The following EDIL3 variants were observed in gnomAD, a reference collection of about 807,000 sequenced individuals.
The protein encoded by EDIL3 is EGF like and discoidin domains 3, also known as EGF-like repeat and discoidin I-like domain-containing protein 3.
In EDIL3, 37 loss-of-function variants were observed where a neutral mutation model predicts 67.4. The ratio of observed to expected loss-of-function variants is 0.55; its 90% CI spans 0.42 to 0.72. EDIL3 has a LOEUF of 0.72. Ranked by LOEUF, EDIL3 falls within the 30% of genes least tolerant of loss-of-function variation. The pLI is 0.00. For synonymous variants in EDIL3, 195 were observed against 196.3 expected (o/e 0.99, Z 0.05); for missense variants, 527 against 586.3 (o/e 0.90, Z 1.04).
At chr5:84,320,650 G>A (rs1005974272) in intron 1 of EDIL3, among the ~76,000 whole-genome samples, 1 of 152,106 alleles carries the variant, frequency 6.6e-6, no homozygotes, top group Admixed American at 6.6e-5. Flanking sequence ...AGCATTGTGT[G>A]ATACTTACTG....
intron 4 of EDIL3, among the ~76,000 whole-genome samples, chr5:84,168,905 T>C (rs116420318): frequency 0.014 from 2,142 of 152,242 alleles, 50 homozygotes; most frequent in African/African-American, 0.049. Context: ...ATTACACAAC[T>C]ACAATAAAAC....
At chr5:84,184,710 C>T (rs1400175254) in intron 3 of EDIL3, among the ~76,000 whole-genome samples, 2 of 152,128 alleles carry the variant, frequency 1.3e-5, no homozygotes, top group East Asian at 1.9e-4. Context: ...GAGTGAACAG[C>T]GGTTTCTTAA....
chr5:84,311,079 T>C (rs1482522513), intron 1 of EDIL3, among the ~76,000 whole-genome samples: 3 of 152,192 alleles, frequency 2.0e-5, no homozygotes, highest in African/African-American at 7.2e-5. Flanking sequence ...TCTTGATGAA[T>C]ATGCCAATTT....
chr5:84,305,111 A>T (rs1746238565), intron 1 of EDIL3, among the ~76,000 whole-genome samples: 1 of 152,350 alleles, frequency 6.6e-6, no homozygotes, highest in African/African-American at 2.4e-5. Context: ...GGTAAATAAA[A>T]TCTAGCAGCC....
intron 4 of EDIL3, among the ~76,000 whole-genome samples, chr5:84,173,962 G>A (rs866426203): frequency 6.6e-6 from 1 of 152,192 alleles, no homozygotes; most frequent in South Asian, 2.1e-4. Flanking sequence ...CCAAACCAAA[G>A]GTATGGTGCA....
At chr5:84,279,015 C>T (rs1272268624) in intron 1 of EDIL3, among the ~76,000 whole-genome samples, 12 of 150,378 alleles carry the variant, frequency 8.0e-5, no homozygotes, top group Admixed American at 8.0e-4. Context: ...TCCTTCTATG[C>T]CTCAATTTCC....
At chr5:84,355,851 G>A (rs1228757821) in intron 1 of EDIL3, among the ~76,000 whole-genome samples, 4 of 152,178 alleles carry the variant, frequency 2.6e-5, no homozygotes, top group African/African-American at 7.2e-5. Flanking sequence ...GAGCCAGCAG[G>A]CAGGAATGTT....
chr5:84,276,953 C>T, intron 1 of EDIL3, among the ~76,000 whole-genome samples: 1 of 152,132 alleles, frequency 6.6e-6, no homozygotes, highest in East Asian at 1.9e-4. Flanking sequence ...AAATAAACTA[C>T]ATCAGGCATC....
chr5:84,117,077 G>T (rs1472692773), intron 5 of EDIL3, among the ~76,000 whole-genome samples: 1 of 143,824 alleles, frequency 7.0e-6, no homozygotes, highest in African/African-American at 2.6e-5. Flanking sequence ...GCCCAGGCGG[G>T]AGTGCAGTGG....
intron 1 of EDIL3, among the ~76,000 whole-genome samples, chr5:84,306,500 T>C (rs1189771967): frequency 1.3e-5 from 2 of 152,200 alleles, no homozygotes; most frequent in Non-Finnish European, 2.9e-5. Flanking sequence ...TCTGGGATTA[T>C]GGCAAGTGGA....
At chr5:84,039,904 TTAAAGCAAATGCTATA>T (rs578236314) in intron 9 of EDIL3, among the ~76,000 whole-genome samples, 36 of 152,286 alleles carry the variant, frequency 2.4e-4, no homozygotes, top group African/African-American at 8.2e-4. Flanking sequence ...TCTGGTAGTC[TTAAAGCAAATGCTATA>T]TACAGTTTTA....
intron 5 of EDIL3, among the ~76,000 whole-genome samples, chr5:84,113,537 G>A (rs768081854): frequency 6.6e-6 from 1 of 152,078 alleles, no homozygotes; most frequent in Non-Finnish European, 1.5e-5. Flanking sequence ...TGGCCAAGAG[G>A]GATGTGAATA....
At chr5:84,329,629 CA>C (rs1451030364) in intron 1 of EDIL3, among the ~76,000 whole-genome samples, 1 of 151,982 alleles carries the variant, frequency 6.6e-6, no homozygotes, top group Non-Finnish European at 1.5e-5. Context: ...GTTGCTATGT[CA>C]AAATTAATAA....
At chr5:84,061,444 G>A (rs1014815707) in intron 8 of EDIL3, among the ~76,000 whole-genome samples, 8 of 152,044 alleles carry the variant, frequency 5.3e-5, no homozygotes, top group African/African-American at 1.7e-4. Flanking sequence ...ATATGAGCCC[G>A]GGGCTGAGTC....
At chr5:84,257,903 T>A (rs543021040) in intron 1 of EDIL3, among the ~76,000 whole-genome samples, 1 of 152,170 alleles carries the variant, frequency 6.6e-6, no homozygotes, top group African/African-American at 2.4e-5. Flanking sequence ...GGAAAAGATA[T>A]AAGATTCTTC....
chr5:84,057,770 AT>A (rs3831890), intron 9 of EDIL3, among the ~76,000 whole-genome samples: 16,521 of 152,088 alleles, frequency 0.11, 1,313 homozygotes, highest in African/African-American at 0.22. Flanking sequence ...AACTTGAATT[AT>A]TTTTTGAATG....
At chr5:84,340,532 CTCTATATATA>C (rs1271180431) in intron 1 of EDIL3, among the ~76,000 whole-genome samples, 1,480 of 66,362 alleles carry the variant, frequency 0.022, 6 homozygotes, top group South Asian at 0.034. Flanking sequence ...CTCTCTCTCT[CTCTATATATA>C]TATATATATA....
chr5:84,284,779 T>C (rs1030510707), intron 1 of EDIL3, among the ~76,000 whole-genome samples: 12 of 152,144 alleles, frequency 7.9e-5, no homozygotes, highest in African/African-American at 2.7e-4. Flanking sequence ...TACTTGGAAA[T>C]AGACCCTGCA....
chr5:83,980,683 ATATATATATATATATT>A (rs929384590), intron 9 of EDIL3, among the ~76,000 whole-genome samples: 108 of 146,724 alleles, frequency 7.4e-4, no homozygotes, highest in Non-Finnish European at 1.2e-3. Context: ...TGAAATATAT[ATATATATATATATATT>A]TATATATAAT....
Sources: allele counts gnomAD v4.1 joint callset (sites outside exome capture counted in the v4.1 genomes callset), GRCh38; gene constraint gnomAD v4.1.1; transcripts MANE v1.5; gene names NCBI Gene and HGNC (gene_info 2026-07-23, HGNC 2026-07-21).